AGXT2: variants seen among roughly 807,000 people sequenced by gnomAD.
AGXT2 encodes alanine--glyoxylate aminotransferase 2, mitochondrial.
In AGXT2, 61 loss-of-function variants were observed where a neutral mutation model predicts 62.5. The ratio of observed to expected loss-of-function variants is 0.98; its 90% CI spans 0.79 to 1.21. The LOEUF (loss-of-function observed/expected upper bound fraction) is 1.21, where lower values mean the gene tolerates loss of function less well. AGXT2 is among the 50% of genes most tolerant of loss of function. AGXT2 has a pLI of 0.00. For missense variants in AGXT2, 666 were observed against 641.5 expected, an observed-to-expected ratio of 1.04 and a Z score of -0.41; for synonymous variants, 243 against 218.7, an observed-to-expected ratio of 1.11 and a Z score of -0.98.
Position 35,036,937 on chromosome 5 carries a change from T to C in AGXT2, c.486+5A>G. ...CATTCACCTCCTGCAGGAAGAGCAT[T>C]GTACCTTAAGAGGCTCAGGAAGAAG... On this transcript the variant is annotated splice_donor_5th_base_variant and intron_variant, in intron 4 of 13. Coordinates refer to ENST00000231420, the MANE Select transcript of AGXT2 (RefSeq NM_031900.4). 6.2e-7 allele frequency: 1 copy of C among 1,613,930 alleles called. No homozygotes were observed. Among genetic ancestry groups the C allele is most frequent in the Non-Finnish European group, 8.5e-7 (1 of 1,179,962 alleles).
At chr5:35,006,458 A>G (rs981510976) in intron 12 of AGXT2, among the ~76,000 whole-genome samples, 3 of 152,208 alleles carry the variant, frequency 2.0e-5, no homozygotes, top group African/African-American at 7.2e-5. Flanking sequence ...TCATGGCAGA[A>G]GGCAAAGGGT....
At chr5:35,038,505 G>T (rs1767863411) in intron 3 of AGXT2, among the ~76,000 whole-genome samples, 2 of 152,206 alleles carry the variant, frequency 1.3e-5, no homozygotes, top group Admixed American at 6.5e-5. Flanking sequence ...GATGATGGAA[G>T]AGGGTAGGAG....
intron 7 of AGXT2, chr5:35,027,101 CG>C (rs2112247013): frequency 1.3e-6 from 1 of 776,900 alleles, no homozygotes; most frequent in African/African-American, 1.9e-5. Context: ...GGACTTTCTC[CG>C]ATTAATCAGG....
At chr5:35,027,664 G>T (rs1407304194) in intron 7 of AGXT2, among the ~76,000 whole-genome samples, 1 of 151,626 alleles carries the variant, frequency 6.6e-6, no homozygotes, top group Non-Finnish European at 1.5e-5. Flanking sequence ...TTTTTGACAA[G>T]GGGCAGTTTA....
chr5:35,045,210 T>C (rs955736735), intron 1 of AGXT2, among the ~76,000 whole-genome samples: 5 of 152,314 alleles, frequency 3.3e-5, no homozygotes, highest in East Asian at 1.9e-4. Context: ...AAGCTGAACA[T>C]TTTATGCATA....
chr5:35,022,615 C>T (rs1767152973), intron 9 of AGXT2, among the ~76,000 whole-genome samples: 1 of 150,912 alleles, frequency 6.6e-6, no homozygotes, highest in East Asian at 2.0e-4. Context: ...GGACATATGC[C>T]TAATGCTAGA....
intron 7 of AGXT2, among the ~76,000 whole-genome samples, chr5:35,030,540 C>T (rs538227717): frequency 5.4e-4 from 82 of 152,036 alleles, no homozygotes; most frequent in Non-Finnish European, 9.1e-4. Context: ...AAAAAGAAAA[C>T]AACTGACTTC....
In AGXT2 at chr5:35,040,508, A is replaced by G. The variant is rs1056764598; in HGVS notation, c.177+67T>C. On this transcript the variant is annotated intron_variant, in intron 2 of 13. Coordinates refer to ENST00000231420, the MANE Select transcript of AGXT2 (RefSeq NM_031900.4). ...GGCTATTTTTGTGTCATTCTTAAGG[A>G]AACAATCATTTGAGACCTCCCCAGA... The G allele has an allele frequency of 2.8e-6, 4 of 1,443,966 alleles. No individual in the cohort carries two copies. In the African/African-American group the frequency reaches 4.2e-5, roughly 15 times the overall value. The allele number at this position is 1,443,966 out of a possible 1,614,324, so 89.4% of individuals were successfully genotyped here.
chr5:35,040,510 A>G, intron 2 of AGXT2, 65 bp downstream of exon 2: 1 of 1,449,578 alleles, frequency 6.9e-7, no homozygotes, highest in Non-Finnish European at 9.7e-7. Context: ...TCTTAAGGAA[A>G]CAATCATTTG....
At chr5:35,035,559 C>T (rs1767729877) in intron 4 of AGXT2, among the ~76,000 whole-genome samples, 1 of 151,522 alleles carries the variant, frequency 6.6e-6, no homozygotes, top group South Asian at 2.1e-4. Context: ...GTGCAACATT[C>T]CTGGCTTTTA....
chr5:35,012,464 T>G (rs1048621628), intron 11 of AGXT2: 2 of 155,612 alleles, frequency 1.3e-5, no homozygotes, highest in Admixed American at 6.2e-5. Context: ...TTAAAAAAAA[T>G]CTTTTTTTAA....
Position 34,998,691 on chromosome 5 carries a change from C to G in AGXT2, c.*28G>C. 1 of 1,578,544 alleles carries G rather than the reference C, an allele frequency of 6.3e-7. No homozygotes were observed. Among genetic ancestry groups the G allele is most frequent in the Non-Finnish European group, 8.7e-7 (1 of 1,148,972 alleles). On this transcript the variant is annotated 3_prime_UTR_variant, in exon 14 of 14. Coordinates refer to ENST00000231420, the MANE Select transcript of AGXT2 (RefSeq NM_031900.4). The stretch of plus-strand genomic sequence containing the variant: ...GAACATACGTGGCAAATTCTTGAGA[C>G]TTGTGGTTTTATTTATTTCTGACAA...
chr5:35,028,558 TGAGAGAGAGAGAGA>T lies in AGXT2; in HGVS notation c.770-2062_770-2049del, dbSNP rs541190371. Among the ~76,000 whole-genome samples the T allele has an allele frequency of 7.7e-3, 82 of 10,588 alleles. 1 individual carries two copies. Among genetic ancestry groups the T allele is most frequent in the African/African-American group, 0.017 (77 of 4,538 alleles). The allele number at this position is 10,588 out of a possible 152,430, so 6.9% of individuals were successfully genotyped here. A position where few individuals can be genotyped will look rare whatever the true frequency, so the allele number is the denominator to read the frequency against. On this transcript the variant is annotated intron_variant, in intron 7 of 13. Transcript: ENST00000231420. ...GGAATCACCAAGGAAGCAGGAAAGGTGAGAGAGAGAGAGAGAGAGAGAGAGAGAGAGAGAGAGAG... is the reference window on the plus strand; with the variant it reads ...GGAATCACCAAGGAAGCAGGAAAGGTGAGAGAGAGAGAGAGAGAGAGAGAG...
intron 9 of AGXT2, among the ~76,000 whole-genome samples, chr5:35,018,926 A>T (rs1282837488): frequency 2.1e-5 from 3 of 142,558 alleles, no homozygotes; most frequent in Non-Finnish European, 3.0e-5. Flanking sequence ...TTGCAATCCT[A>T]GTCTCTGATA....
At chr5:35,032,914 G>A (rs1767624770) in intron 6 of AGXT2, 89 bp from the exon 7 acceptor site, 11 of 1,053,950 alleles carry the variant, frequency 1.0e-5, no homozygotes, top group African/African-American at 1.6e-5. Flanking sequence ...AGACAAGAGG[G>A]CTTCTTAGTT....
intron 12 of AGXT2, 56 bp downstream of exon 12, chr5:35,009,943 TC>T: frequency 6.2e-7 from 1 of 1,609,430 alleles, no homozygotes; most frequent in Admixed American, 1.7e-5. Flanking sequence ...TGATGTTTCC[TC>T]CTATATCTCC....
chr5:34,999,503 A>G (rs1766150098), intron 13 of AGXT2, among the ~76,000 whole-genome samples: 1 of 152,104 alleles, frequency 6.6e-6, no homozygotes, highest in Non-Finnish European at 1.5e-5. Flanking sequence ...GAAATATTTT[A>G]TTGAATGGCT....
At chr5:35,038,397 T>C (rs1254539181) in intron 3 of AGXT2, among the ~76,000 whole-genome samples, 3 of 152,370 alleles carry the variant, frequency 2.0e-5, no homozygotes, top group Admixed American at 2.0e-4. Flanking sequence ...TATTCCATTT[T>C]CTCTACTTCT....
chr5:35,044,985 C>T (rs1235006077), intron 1 of AGXT2, among the ~76,000 whole-genome samples: 1 of 152,182 alleles, frequency 6.6e-6, no homozygotes, highest in Non-Finnish European at 1.5e-5. Flanking sequence ...TGCCCTCCTT[C>T]CTTTGTGGGA....
Sources: gnomAD v4.1 joint callset for allele counts (sites outside exome capture counted in the v4.1 genomes callset) on GRCh38, gnomAD v4.1.1 for gene constraint, MANE v1.5 for transcripts, NCBI Gene and HGNC (gene_info 2026-07-23, HGNC 2026-07-21) for gene names.